NAV2: variants seen among roughly 807,000 people sequenced by gnomAD.
The protein encoded by NAV2 is neuron navigator 2.
Under a neutral mutation model 223.2 loss-of-function variants are expected in NAV2, and 54 were observed. The ratio of observed to expected loss-of-function variants is 0.24; its 90% confidence interval spans 0.19 to 0.30. The LOEUF is 0.30. Among genes scored for constraint, NAV2 ranks in the 10% least tolerant of loss-of-function variants. NAV2 has a pLI of 1.00. For missense variants in NAV2, 2,806 were observed against 3,147.5 expected, an observed-to-expected ratio of 0.89 and a Z score of 2.60; for synonymous variants, 1,279 against 1,239.3, an observed-to-expected ratio of 1.03 and a Z score of -0.67.
At chr11:19,376,159 T>A (rs1848634464) in intron 1 of NAV2, among the ~76,000 whole-genome samples, 2 of 152,220 alleles carry the variant, frequency 1.3e-5, no homozygotes, top group Non-Finnish European at 2.9e-5. Context: ...GTTTAGAAAG[T>A]CTTGTTTTCT....
intron 1 of NAV2, among the ~76,000 whole-genome samples, chr11:19,535,845 G>A (rs150160393): frequency 4.6e-4 from 70 of 152,298 alleles, no homozygotes; most frequent in Middle Eastern, 3.4e-3. Context: ...CACAATAAAT[G>A]TGCCTCCCAG....
chr11:19,742,648 C>A (rs1296088910), intron 1 of NAV2, among the ~76,000 whole-genome samples: 4 of 152,148 alleles, frequency 2.6e-5, no homozygotes, highest in African/African-American at 2.4e-5. Flanking sequence ...TTCCCCTGTA[C>A]CAGGGCACAG....
intron 1 of NAV2, among the ~76,000 whole-genome samples, chr11:19,758,827 G>C (rs2054473180): frequency 6.6e-6 from 1 of 152,164 alleles, no homozygotes; most frequent in South Asian, 2.1e-4. Flanking sequence ...GACCCAGCTG[G>C]CTGCCAGAAA....
At chr11:19,935,874 T>TTTTTGTTTTTTTTTTTGAGA (rs2045849935) in intron 7 of NAV2, among the ~76,000 whole-genome samples, 1 of 139,764 alleles carries the variant, frequency 7.2e-6, no homozygotes, top group African/African-American at 2.6e-5. Flanking sequence ...TTTTTTTTTT[T>TTTTTGTTTTTTTTTTTGAGA]TGAGATGGAG....
intron 3 of NAV2, among the ~76,000 whole-genome samples, chr11:19,865,291 C>T (rs1262133035): frequency 1.3e-5 from 2 of 152,176 alleles, no homozygotes; most frequent in African/African-American, 4.8e-5. Context: ...GCTGCTGGGG[C>T]TGTTCCCCTC....
At chr11:19,359,089 A>G (rs1272433502) in intron 1 of NAV2, among the ~76,000 whole-genome samples, 1 of 152,228 alleles carries the variant, frequency 6.6e-6, no homozygotes, top group Non-Finnish European at 1.5e-5. Flanking sequence ...ATTCCAAATG[A>G]GAGGGTAAAA....
chr11:19,627,784 G>A lies in NAV2; in HGVS notation c.76-204700G>A, dbSNP rs557384319. 2.0e-5 allele frequency among the ~76,000 whole-genome samples: 3 copies of A among 151,976 alleles called. No homozygotes were observed. In the South Asian group the frequency reaches 6.3e-4, roughly 32 times the overall value. On this transcript the variant is annotated intron_variant, in intron 1 of 37. Coordinates refer to the NAV2 transcript ENST00000360655. ...GGTGATGGATGAGATGGGAGGGTTG[G>A]GCCCCGCCTGCAAAGTGAGAATATT...
chr11:19,836,563 CA>C (rs34706618), intron 2 of NAV2, among the ~76,000 whole-genome samples: 23,223 of 82,448 alleles, frequency 0.28, 1,775 homozygotes, highest in African/African-American at 0.36. Context: ...GACTCTGTCT[CA>C]AAAAAAAAAA....
intron 1 of NAV2, among the ~76,000 whole-genome samples, chr11:19,630,435 TCCGAGGAACC>T (rs1301214398): frequency 6.6e-6 from 1 of 152,118 alleles, no homozygotes; most frequent in Non-Finnish European, 1.5e-5. Context: ...CAAACTGGAT[TCCGAGGAACC>T]CTAGGGTTCC....
rs184348588 is a variant in NAV2, at chr11:19,681,177, C to T, written c.76-151307C>T. On this transcript the variant is annotated intron_variant, in intron 1 of 37. Transcript: ENST00000360655. ...ATGATCTAGCTTCTGGGGACAAGGT[C>T]ATGCCTGGCAGTGAGATTCTCTCAG... Among the ~76,000 whole-genome samples, 32 of 152,332 alleles carry T rather than the reference C, an allele frequency of 2.1e-4. 1 individual carries two copies. The highest frequency in any genetic ancestry group is 9.1e-4 in the Admixed American group (14 of 15,304).
At chr11:19,646,806 T>C (rs2047827675) in intron 1 of NAV2, among the ~76,000 whole-genome samples, 1 of 152,202 alleles carries the variant, frequency 6.6e-6, no homozygotes. Context: ...ATATAGAACA[T>C]GAGGCTCAGA....
intron 19 of NAV2, among the ~76,000 whole-genome samples, chr11:20,060,746 C>T (rs1269819920): frequency 6.6e-6 from 1 of 152,234 alleles, no homozygotes; most frequent in African/African-American, 2.4e-5. Context: ...TATTTAGATG[C>T]AGCCTAAACG....
intron 1 of NAV2, among the ~76,000 whole-genome samples, chr11:19,727,841 G>T (rs1177505845): frequency 6.6e-6 from 1 of 152,238 alleles, no homozygotes; most frequent in Non-Finnish European, 1.5e-5. Flanking sequence ...TGGAGGAAGA[G>T]GACTTAGTGA....
At chr11:20,111,716 C>T (rs1337214918) in intron 36 of NAV2, among the ~76,000 whole-genome samples, 2 of 152,202 alleles carry the variant, frequency 1.3e-5, no homozygotes, top group South Asian at 2.1e-4. Flanking sequence ...GGCCATTTAT[C>T]GGATTATCCA....
chr11:20,003,300 T>A (rs2052736178), intron 11 of NAV2, among the ~76,000 whole-genome samples: 1 of 152,218 alleles, frequency 6.6e-6, no homozygotes, highest in Non-Finnish European at 1.5e-5. Context: ...GACATCTGTA[T>A]TGAGGGTCTA....
chr11:19,668,174 T>G (rs900176375), intron 1 of NAV2, among the ~76,000 whole-genome samples: 2 of 152,174 alleles, frequency 1.3e-5, no homozygotes, highest in Non-Finnish European at 2.9e-5. Context: ...AAGAGAACAT[T>G]TTTTTGGTCC....
chr11:19,733,951 T>G (rs2052043741), intron 1 of NAV2, among the ~76,000 whole-genome samples: 1 of 152,198 alleles, frequency 6.6e-6, no homozygotes, highest in South Asian at 2.1e-4. Flanking sequence ...CATGAACTTG[T>G]TTAATGCTCA....
At chr11:20,074,904 T>C (rs2153652191) in intron 22 of NAV2, among the ~76,000 whole-genome samples, 1 of 152,186 alleles carries the variant, frequency 6.6e-6, no homozygotes, top group Admixed American at 6.5e-5. Context: ...AATTTGTCAG[T>C]CTGTGTCTTT....
At chr11:19,949,488 T>G (rs1404993470) in intron 10 of NAV2, among the ~76,000 whole-genome samples, 2 of 152,224 alleles carry the variant, frequency 1.3e-5, no homozygotes, top group Non-Finnish European at 2.9e-5. Context: ...TTCAATCTTG[T>G]CAAGCTCTTT....
Sources: allele counts gnomAD v4.1 joint callset (sites outside exome capture counted in the v4.1 genomes callset), GRCh38; gene constraint gnomAD v4.1.1; transcripts MANE v1.5; gene names NCBI Gene and HGNC (gene_info 2026-07-23, HGNC 2026-07-21).